PTPN3: variants seen among roughly 807,000 people sequenced by gnomAD.
The protein encoded by PTPN3 is tyrosine-protein phosphatase non-receptor type 3.
In PTPN3, 96 loss-of-function variants were observed where a neutral mutation model predicts 132.7. The observed-to-expected ratio is 0.72, with a 90% confidence interval of 0.61 to 0.86. PTPN3 has a LOEUF of 0.86. Among genes scored for constraint, PTPN3 ranks in the 40% least tolerant of loss-of-function variants. The pLI, the probability that PTPN3 is intolerant of heterozygous loss-of-function variation, is 0.00. For missense variants in PTPN3, 1,125 were observed against 1,159.6 expected, an observed-to-expected ratio of 0.97 and a Z score of 0.43; for synonymous variants, 398 against 429.0, an observed-to-expected ratio of 0.93 and a Z score of 0.89.
chr9:109,421,060 T>A (rs771294307), intron 13 of PTPN3, among the ~76,000 whole-genome samples: 1 of 152,214 alleles, frequency 6.6e-6, no homozygotes, highest in Non-Finnish European at 1.5e-5. Flanking sequence ...CATCCCTTCA[T>A]GTGAATTTCA....
intron 1 of PTPN3, among the ~76,000 whole-genome samples, chr9:109,467,580 G>A (rs1846164226): frequency 6.6e-6 from 1 of 152,208 alleles, no homozygotes; most frequent in Admixed American, 6.5e-5. Context: ...GTGATAAGAG[G>A]TGGGCAGTTG....
At chr9:109,522,378 A>C in the PTPN3 span, among the ~76,000 whole-genome samples, 3 of 152,198 alleles carry the variant, frequency 2.0e-5, no homozygotes, top group Non-Finnish European at 2.9e-5. Context: ...ATGGAGGATG[A>C]TGGCCAAGAT....
intron 1 of PTPN3, among the ~76,000 whole-genome samples, chr9:109,492,864 G>A (rs972995012): frequency 6.6e-6 from 1 of 152,194 alleles, no homozygotes; most frequent in African/African-American, 2.4e-5. Context: ...GAGCTTGCCA[G>A]CTCCCGAAGA....
the PTPN3 span, among the ~76,000 whole-genome samples, chr9:109,520,081 C>T: frequency 6.6e-6 from 1 of 151,938 alleles, no homozygotes; most frequent in East Asian, 1.9e-4. Flanking sequence ...AAGGCATGAA[C>T]CCAGGAGGTG....
At chr9:109,420,674 A>C in intron 13 of PTPN3, 74 bp from the exon 14 acceptor site, 2 of 1,448,424 alleles carry the variant, frequency 1.4e-6, no homozygotes, top group East Asian at 2.4e-5. Flanking sequence ...ACACCAGTGA[A>C]CCTCGTGTCC....
At chr9:109,405,225 C>G (rs926547027) in intron 18 of PTPN3, among the ~76,000 whole-genome samples, 12 of 152,284 alleles carry the variant, frequency 7.9e-5, no homozygotes, top group Admixed American at 5.2e-4. Flanking sequence ...ACCACCCCCC[C>G]ACAACTCCCA....
the PTPN3 span, chr9:109,534,028 C>A: frequency 2.6e-6 from 2 of 768,698 alleles, no homozygotes; most frequent in Non-Finnish European, 4.8e-6. Context: ...TTCTACACTG[C>A]GAAGGTACCT....
At chr9:109,406,250 C>T (rs1469585477) in intron 18 of PTPN3, among the ~76,000 whole-genome samples, 2 of 152,186 alleles carry the variant, frequency 1.3e-5, no homozygotes, top group Non-Finnish European at 1.5e-5. Flanking sequence ...CTGTCTCCCC[C>T]CAGAAGACTG....
intron 19 of PTPN3, among the ~76,000 whole-genome samples, chr9:109,396,130 G>T (rs992520775): frequency 3.3e-5 from 5 of 152,198 alleles, no homozygotes. Flanking sequence ...CCAAGGTGCT[G>T]GGATTACAGC....
In PTPN3 at chr9:109,408,784, A is replaced by T. The variant is rs1485007592; in HGVS notation, c.1579-407T>A. Among the ~76,000 whole-genome samples, 12 of 26,132 alleles carry T rather than the reference A, an allele frequency of 4.6e-4. No homozygotes were observed. The East Asian group carries it at 0.014, about 30-fold the overall frequency. The allele number at this position is 26,132 out of a possible 152,430, so 17.1% of individuals were successfully genotyped here. A position where few individuals can be genotyped will look rare whatever the true frequency, so the allele number is the denominator to read the frequency against. ...GTACCCTAGAACTTATAATAATTAA[A>T]AAAAAAAAAAAAATATATATATATA... On this transcript the variant is annotated intron_variant, in intron 16 of 25. Coordinates refer to ENST00000374541, the MANE Select transcript of PTPN3 (RefSeq NM_002829.4).
the PTPN3 span, among the ~76,000 whole-genome samples, chr9:109,521,556 T>C: frequency 7.9e-3 from 1,210 of 152,314 alleles, 28 homozygotes; most frequent in African/African-American, 0.028. Flanking sequence ...ATCACACCTC[T>C]CATCCTTGGG....
At chr9:109,452,100 T>C (rs765099552) in intron 5 of PTPN3, among the ~76,000 whole-genome samples, 1 of 151,760 alleles carries the variant, frequency 6.6e-6, no homozygotes, top group Non-Finnish European at 1.5e-5. Flanking sequence ...AAACCCCACC[T>C]CTCCTAAAGA....
intron 2 of PTPN3, 95 bp from the exon 3 acceptor site, chr9:109,457,494 A>G (rs1385724471): frequency 1.1e-6 from 1 of 944,020 alleles, no homozygotes; most frequent in Admixed American, 2.5e-5. Context: ...AAATATTCAG[A>G]AATGCTATGC....
At chr9:109,452,664 A>C (rs1245159959) in intron 5 of PTPN3, among the ~76,000 whole-genome samples, 1 of 151,980 alleles carries the variant, frequency 6.6e-6, no homozygotes, top group African/African-American at 2.4e-5. Context: ...TTCTGGGCTC[A>C]AGTGATCCTC....
the PTPN3 span, among the ~76,000 whole-genome samples, chr9:109,504,870 G>A: frequency 2.4e-4 from 37 of 152,224 alleles, no homozygotes; most frequent in Non-Finnish European, 4.4e-4. Flanking sequence ...GCAGCTGACC[G>A]AAACAATCGC....
chr9:109,510,817 T>C, the PTPN3 span, among the ~76,000 whole-genome samples: 1 of 151,772 alleles, frequency 6.6e-6, no homozygotes, highest in South Asian at 2.1e-4. Context: ...GAAAGCTGTA[T>C]TGCTGGCCTA....
intron 5 of PTPN3, among the ~76,000 whole-genome samples, chr9:109,453,623 C>T (rs1372188120): frequency 6.6e-6 from 1 of 152,188 alleles, no homozygotes; most frequent in Non-Finnish European, 1.5e-5. Flanking sequence ...ATCTGGTTCA[C>T]ATATTTCCTG....
At chr9:109,457,137 C>A in intron 4 of PTPN3, 36 bp downstream of exon 4, 1 of 1,601,902 alleles carries the variant, frequency 6.2e-7, no homozygotes, top group Non-Finnish European at 8.6e-7. Flanking sequence ...TACACTAACA[C>A]CTAATGTTCG....
chr9:109,460,769 G>A (rs993084293), intron 2 of PTPN3, among the ~76,000 whole-genome samples: 4 of 152,118 alleles, frequency 2.6e-5, no homozygotes, highest in African/African-American at 7.2e-5. Context: ...TGCAAAGCCC[G>A]ACTCAGCACA....
Sources: gnomAD v4.1 joint callset for allele counts (sites outside exome capture counted in the v4.1 genomes callset) on GRCh38, gnomAD v4.1.1 for gene constraint, MANE v1.5 for transcripts, NCBI Gene and HGNC (gene_info 2026-07-23, HGNC 2026-07-21) for gene names.